RTN1: variants seen among roughly 807,000 people sequenced by gnomAD.
RTN1 encodes the protein reticulon 1.
RTN1 carries 25 observed loss-of-function variants against 65.5 expected under a neutral mutation model. The observed-to-expected ratio is 0.38, with a 90% confidence interval of 0.28 to 0.53. RTN1 has a LOEUF of 0.53. Among genes scored for constraint, RTN1 ranks in the 20% least tolerant of loss-of-function variants. The pLI is 0.79. For synonymous variants in RTN1, 471 were observed against 447.6 expected (o/e 1.05, Z -0.66); for missense variants, 983 against 1,025.4 (o/e 0.96, Z 0.57).
Position 59,870,355 on chromosome 14 carries a change from C to G in RTN1, c.241+35G>C, listed in dbSNP as rs777548516. ...GGACTGACTGGGGGGCCCTGGTCCC[C>G]GACGCCATTTGAGGGGCAGCGGCGC... is the stretch of plus-strand genomic sequence containing the variant. On this transcript the variant is annotated intron_variant, in intron 1 of 8. Coordinates refer to ENST00000267484, the MANE Select transcript of RTN1 (RefSeq NM_021136.3). This position sits in a 1 kb window ranked among gnomAD's most constrained non-coding sequence, Gnocchi z 5.1. 1.4e-6 allele frequency: 2 copies of G among 1,465,566 alleles called. 1 individual carries two copies. The highest frequency in any genetic ancestry group is 5.5e-5 in the East Asian group (2 of 36,382). The allele number at this position is 1,465,566 out of a possible 1,614,324, so 90.8% of individuals were successfully genotyped here.
At position 59,727,484 on chromosome 14, in the gene RTN1, G is replaced by A. The variant is rs1169676721; in HGVS notation, c.1200C>T (p.Asp400=). 5.0e-6 allele frequency: 8 copies of A among 1,584,856 alleles called. No individual in the cohort carries two copies. Among genetic ancestry groups the A allele is most frequent in the Middle Eastern group, 1.7e-4 (1 of 6,044 alleles). Reference sequence around the variant, plus strand: ...CCGACTCCGCGCTGCTGGCCTCGTGGTCCAGGGGGCTGGGGATGGTTGGCG... The same window carrying A: ...CCGACTCCGCGCTGCTGGCCTCGTGATCCAGGGGGCTGGGGATGGTTGGCG... ...SGPPTIPSPL[D]HEASSAESGD... The change falls in exon 3 of 9, where the codon GAC becomes GAT. Residue 400 remains aspartate, a synonymous_variant. Coordinates refer to ENST00000267484, the MANE Select transcript of RTN1 (RefSeq NM_021136.3). This position sits in a 1 kb window ranked among gnomAD's most constrained non-coding sequence, Gnocchi z 4.2.
intron 1 of RTN1, among the ~76,000 whole-genome samples, chr14:59,858,991 T>C (rs1045184252): frequency 8.5e-5 from 13 of 152,198 alleles, no homozygotes; most frequent in African/African-American, 2.9e-4. Flanking sequence ...AGCAAATATG[T>C]CACATTATGG....
At chr14:59,725,982 T>G (rs1186871420) in intron 3 of RTN1, among the ~76,000 whole-genome samples, 2 of 152,176 alleles carry the variant, frequency 1.3e-5, no homozygotes, top group African/African-American at 2.4e-5. Context: ...TGAATACAGT[T>G]GTTAGGGTTT....
intron 1 of RTN1, among the ~76,000 whole-genome samples, chr14:59,842,387 C>CA (rs1887330411): frequency 2.0e-5 from 3 of 151,742 alleles, no homozygotes; most frequent in Admixed American, 1.3e-4. Flanking sequence ...AATAAATAGA[C>CA]AAAAAACAAG....
chr14:59,813,109 A>G (rs1457702011), intron 1 of RTN1, among the ~76,000 whole-genome samples: 1 of 152,236 alleles, frequency 6.6e-6, no homozygotes, highest in Admixed American at 6.5e-5. Flanking sequence ...TAAAGGTGGC[A>G]TTTCAACCAA....
intron 1 of RTN1, among the ~76,000 whole-genome samples, chr14:59,800,824 C>T (rs970157311): frequency 7.9e-5 from 12 of 151,190 alleles, no homozygotes; most frequent in Admixed American, 2.0e-4. Flanking sequence ...AAAATAACTA[C>T]GATTAATATA....
chr14:59,659,648 T>C (rs970442226), intron 3 of RTN1, among the ~76,000 whole-genome samples: 1 of 152,184 alleles, frequency 6.6e-6, no homozygotes, highest in Non-Finnish European at 1.5e-5. Context: ...CTAAGCTTCA[T>C]AAGTGAAGAA....
intron 1 of RTN1, among the ~76,000 whole-genome samples, chr14:59,749,272 ATATATC>A (rs1885324220): frequency 2.3e-5 from 1 of 44,310 alleles, no homozygotes; most frequent in South Asian, 7.3e-4. Context: ...ATATCTATAT[ATATATC>A]TATATATATC....
intron 3 of RTN1, among the ~76,000 whole-genome samples, chr14:59,617,670 G>C (rs1324864287): frequency 2.0e-5 from 3 of 152,188 alleles, no homozygotes; most frequent in Non-Finnish European, 4.4e-5. Context: ...AGGGTTAGAA[G>C]CAAATCTTTG....
intron 3 of RTN1, chr14:59,630,731 C>A: frequency 1.8e-6 from 2 of 1,109,396 alleles, no homozygotes; most frequent in Non-Finnish European, 2.2e-6. Context: ...CGCCTGCGCG[C>A]ATGGGGATGC....
At chr14:59,791,341 G>C (rs181361201) in intron 1 of RTN1, among the ~76,000 whole-genome samples, 1 of 152,206 alleles carries the variant, frequency 6.6e-6, no homozygotes, top group Non-Finnish European at 1.5e-5. Context: ...TATATGTTCA[G>C]TCTGACAGTT....
intron 3 of RTN1, among the ~76,000 whole-genome samples, chr14:59,655,591 A>C (rs1041006562): frequency 1.1e-4 from 17 of 152,232 alleles, no homozygotes; most frequent in Non-Finnish European, 1.5e-5. Context: ...TACAATGATC[A>C]AGACAGGGTG....
chr14:59,857,741 T>G (rs1157537458), intron 1 of RTN1, among the ~76,000 whole-genome samples: 1 of 152,226 alleles, frequency 6.6e-6, no homozygotes, highest in Non-Finnish European at 1.5e-5. Context: ...CAGACTAATC[T>G]TCCTTAACAT....
At chr14:59,750,471 TATA>T (rs1428697496) in intron 1 of RTN1, among the ~76,000 whole-genome samples, 31 of 68,138 alleles carry the variant, frequency 4.5e-4, no homozygotes, top group Non-Finnish European at 6.8e-4. Context: ...ATCTATAATA[TATA>T]ATATATCTAT....
intron 3 of RTN1, among the ~76,000 whole-genome samples, chr14:59,616,268 ATGT>A (rs1882098369): frequency 6.6e-6 from 1 of 152,198 alleles, no homozygotes; most frequent in African/African-American, 2.4e-5. Flanking sequence ...CATAATTATT[ATGT>A]TAACAGACTG....
intron 3 of RTN1, among the ~76,000 whole-genome samples, chr14:59,714,791 C>T (rs79053283): frequency 1.0e-3 from 156 of 152,326 alleles, no homozygotes; most frequent in African/African-American, 3.6e-3. Flanking sequence ...GGTCCCCAAA[C>T]CCCTGGCCGC....
intron 3 of RTN1, among the ~76,000 whole-genome samples, chr14:59,628,019 A>G (rs1882446521): frequency 6.6e-6 from 1 of 151,238 alleles, no homozygotes; most frequent in Non-Finnish European, 1.5e-5. Flanking sequence ...CTGCTGGTCT[A>G]TGGGTTTGGC....
At chr14:59,704,632 C>T (rs1165726300) in intron 3 of RTN1, among the ~76,000 whole-genome samples, 1 of 152,142 alleles carries the variant, frequency 6.6e-6, no homozygotes, top group Non-Finnish European at 1.5e-5. Flanking sequence ...CAGCATTGTG[C>T]TGTGCAGACA....
At chr14:59,851,855 C>CAA (rs5809049) in intron 1 of RTN1, among the ~76,000 whole-genome samples, 13 of 88,178 alleles carry the variant, frequency 1.5e-4, no homozygotes, top group African/African-American at 4.1e-4. Context: ...GACACAGTCT[C>CAA]AAAAAAAAAA....
Sources: gnomAD v4.1 joint callset for allele counts (sites outside exome capture counted in the v4.1 genomes callset) on GRCh38, gnomAD v4.1.1 for gene constraint, Gnocchi (gnomAD v3.1) non-coding constraint, MANE v1.5 for transcripts, NCBI Gene and HGNC (gene_info 2026-07-23, HGNC 2026-07-21) for gene names.